The following TTC29 variants were observed in gnomAD, a reference collection of about 807,000 sequenced individuals.
TTC29 encodes the protein tetratricopeptide repeat domain 29.
In TTC29, 49 loss-of-function variants were observed where a neutral mutation model predicts 58.1. The ratio of observed to expected loss-of-function variants is 0.84; its 90% CI spans 0.67 to 1.07. The LOEUF is 1.07. Ranked by LOEUF, TTC29 falls within the 50% of genes least tolerant of loss-of-function variation. The pLI is 0.00. For missense variants in TTC29, 582 were observed against 555.6 expected (o/e 1.05, Z -0.48); for synonymous variants, 209 against 196.8 (o/e 1.06, Z -0.52).
In TTC29 at chr4:146,709,018, A is replaced by G. The variant is rs74508433; in HGVS notation, c.1331-1467T>C. On this transcript the variant is annotated intron_variant, in intron 11 of 12. Coordinates refer to ENST00000325106, the MANE Select transcript of TTC29 (RefSeq NM_031956.4). ...TAACACTCATGTCATTAGATTATAC[A>G]GTCAACCATTTGTCACTATTGTGAT... Among the ~76,000 whole-genome samples the G allele has an allele frequency of 3.9e-3, 600 of 152,170 alleles. 3 individuals are homozygous for G. Among genetic ancestry groups the G allele is most frequent in the African/African-American group, 0.014 (570 of 41,550 alleles).
chr4:146,754,073 A>G (rs1010363928), intron 11 of TTC29, among the ~76,000 whole-genome samples: 4 of 151,898 alleles, frequency 2.6e-5, no homozygotes, highest in Admixed American at 1.3e-4. Flanking sequence ...AAAATAAAAT[A>G]AAATAAAAAT....
intron 11 of TTC29, among the ~76,000 whole-genome samples, chr4:146,792,628 T>G (rs1749547259): frequency 6.6e-6 from 1 of 152,212 alleles, no homozygotes; most frequent in Non-Finnish European, 1.5e-5. Flanking sequence ...CATGGATCAA[T>G]AAGAAGTTTT....
intron 2 of TTC29, among the ~76,000 whole-genome samples, chr4:146,941,627 G>A (rs367788275): frequency 9.9e-5 from 15 of 152,274 alleles, no homozygotes; most frequent in Admixed American, 2.6e-4. Context: ...AAGGAGACAA[G>A]CTCAAAGACG....
intron 11 of TTC29, among the ~76,000 whole-genome samples, chr4:146,763,371 C>G (rs1747051314): frequency 6.6e-6 from 1 of 151,998 alleles, no homozygotes; most frequent in Non-Finnish European, 1.5e-5. Flanking sequence ...ACTTTTTTAA[C>G]TACAAGGAAT....
At chr4:146,827,423 T>A (rs1288344264) in intron 9 of TTC29, among the ~76,000 whole-genome samples, 1 of 152,234 alleles carries the variant, frequency 6.6e-6, no homozygotes, top group Non-Finnish European at 1.5e-5. Flanking sequence ...TTTAAACAAG[T>A]ATTGGTAGGA....
At chr4:146,797,891 G>T (rs1749939597) in intron 11 of TTC29, among the ~76,000 whole-genome samples, 2 of 136,518 alleles carry the variant, frequency 1.5e-5, no homozygotes, top group African/African-American at 5.6e-5. Context: ...CTCTCCTTTG[G>T]GGCCTCCAAT....
intron 11 of TTC29, among the ~76,000 whole-genome samples, chr4:146,784,558 C>T (rs1748865130): frequency 6.6e-6 from 1 of 152,026 alleles, no homozygotes; most frequent in Non-Finnish European, 1.5e-5. Flanking sequence ...GGATTAGTGC[C>T]TTTATAAAAA....
At chr4:146,750,701 G>A (rs761713075) in intron 11 of TTC29, among the ~76,000 whole-genome samples, 6 of 151,864 alleles carry the variant, frequency 4.0e-5, no homozygotes, top group African/African-American at 7.3e-5. Flanking sequence ...CATGGTGATC[G>A]CAAAACAAAA....
chr4:146,736,428 G>A (rs1744713579), intron 11 of TTC29, among the ~76,000 whole-genome samples: 1 of 152,150 alleles, frequency 6.6e-6, no homozygotes, highest in African/African-American at 2.4e-5. Flanking sequence ...ATTGGGAAAT[G>A]TTATCTTTAC....
At chr4:146,790,197 CT>C (rs993083359) in intron 11 of TTC29, among the ~76,000 whole-genome samples, 14 of 138,092 alleles carry the variant, frequency 1.0e-4, no homozygotes, top group Non-Finnish European at 2.1e-4. Context: ...TTTTTTTTTT[CT>C]TTTTTTTTGA....
Position 146,732,547 on chromosome 4 carries a change from G to A in TTC29, c.1331-24996C>T, listed in dbSNP as rs1019087396. On this transcript the variant is annotated intron_variant, in intron 11 of 12. Transcript: ENST00000325106. ...GATGCTTAAAATTGGCTTTGTGGAG[G>A]GCAGCGAAGTAGTTTGAAAAGTTTT... Among the ~76,000 whole-genome samples the A allele has an allele frequency of 2.0e-5, 3 of 152,226 alleles. No homozygotes were observed. The South Asian group carries it at 6.2e-4, about 32-fold the overall frequency.
intron 11 of TTC29, among the ~76,000 whole-genome samples, chr4:146,730,434 T>C (rs1055196173): frequency 6.6e-6 from 1 of 152,156 alleles, no homozygotes; most frequent in African/African-American, 2.4e-5. Flanking sequence ...GGATAGATAA[T>C]TTTGAGAATT....
Position 146,899,963 on chromosome 4 carries a change from G to A in TTC29, c.586+3581C>T, listed in dbSNP as rs562261309. On this transcript the variant is annotated intron_variant, in intron 6 of 12. Coordinates refer to ENST00000325106, the MANE Select transcript of TTC29 (RefSeq NM_031956.4). ...AGCTGTTGCTGCAAGGCCTCCATTC[G>A]CTTGTCTGGACCAATCAGATCAGAT... is the stretch of plus-strand genomic sequence containing the variant. 3.9e-5 allele frequency among the ~76,000 whole-genome samples: 6 copies of A among 152,294 alleles called. No homozygotes were observed. The South Asian group carries it at 6.2e-4, about 16-fold the overall frequency.
intron 11 of TTC29, among the ~76,000 whole-genome samples, chr4:146,730,612 G>A (rs1421390784): frequency 6.6e-6 from 1 of 152,194 alleles, no homozygotes; most frequent in East Asian, 1.9e-4. Flanking sequence ...GAAGCAGCTA[G>A]TGAGGAAGAA....
chr4:146,778,976 C>CAAAAAAAAAAAAAAAAAAAA (rs369374851), intron 11 of TTC29, among the ~76,000 whole-genome samples: 259 of 28,600 alleles, frequency 9.1e-3, no homozygotes, highest in African/African-American at 0.011. Flanking sequence ...CCTAAATAAG[C>CAAAAAAAAAAAAAAAAAAAA]AAAAAAAAAA....
intron 11 of TTC29, among the ~76,000 whole-genome samples, chr4:146,778,413 C>A (rs1020384360): frequency 6.6e-5 from 10 of 151,858 alleles, no homozygotes; most frequent in Admixed American, 4.6e-4. Context: ...AAATTTTAAA[C>A]AAATTTTTGT....
At chr4:146,722,236 T>C (rs1169287614) in intron 11 of TTC29, among the ~76,000 whole-genome samples, 1 of 152,188 alleles carries the variant, frequency 6.6e-6, no homozygotes. Context: ...GAAATGGCCA[T>C]AATTTCCAAA....
At chr4:146,914,669 C>T (rs72960326) in intron 4 of TTC29, among the ~76,000 whole-genome samples, 24,046 of 152,024 alleles carry the variant, frequency 0.16, 3,037 homozygotes, top group African/African-American at 0.34. Flanking sequence ...GGGGCTGCAA[C>T]GAGATAAGGG....
intron 7 of TTC29, among the ~76,000 whole-genome samples, chr4:146,869,097 T>TAAA (rs35029868): frequency 5.1e-4 from 56 of 110,430 alleles, no homozygotes; most frequent in African/African-American, 1.1e-3. Context: ...GAGCTTTAAG[T>TAAA]AAAAAAAAAA....
Sources: allele counts gnomAD v4.1 joint callset (sites outside exome capture counted in the v4.1 genomes callset), GRCh38; gene constraint gnomAD v4.1.1; transcripts MANE v1.5; gene names NCBI Gene and HGNC (gene_info 2026-07-23, HGNC 2026-07-21).